Variants in C10orf90 observed in about 807,000 individuals in gnomAD.
C10orf90 encodes the protein chromosome 10 open reading frame 90, also known as (E2-independent) E3 ubiquitin-conjugating enzyme FATS.
Under a neutral mutation model 62.5 loss-of-function variants are expected in C10orf90, and 56 were observed. The observed-to-expected ratio is 0.90, with a 90% CI of 0.72 to 1.12. The LOEUF (loss-of-function observed/expected upper bound fraction) is 1.12. Ranked by LOEUF, C10orf90 falls within the 50% of genes most tolerant of loss-of-function variation. The probability of loss-of-function intolerance (pLI) is 0.00; values close to 1 mark genes in which losing one functional copy is unlikely to be tolerated. For missense variants in C10orf90, 970 were observed against 880.4 expected (o/e 1.10, Z -1.29); for synonymous variants, 386 against 340.4 (o/e 1.13, Z -1.47).
At chr10:126,469,093 G>C (rs767300477) in intron 4 of C10orf90, among the ~76,000 whole-genome samples, 1 of 152,098 alleles carries the variant, frequency 6.6e-6, no homozygotes, top group Non-Finnish European at 1.5e-5. Flanking sequence ...CAGTACAACA[G>C]CAAGACTGTC....
At chr10:126,480,857 C>T (rs147122134) in intron 4 of C10orf90, among the ~76,000 whole-genome samples, 3 of 152,300 alleles carry the variant, frequency 2.0e-5, no homozygotes, top group East Asian at 1.9e-4. Flanking sequence ...CTGCTTCACC[C>T]GAGATCTTGA....
In C10orf90 at chr10:126,601,775, C is replaced by G. The variant is rs1048322385; in HGVS notation, c.313+44790G>C. On this transcript the variant is annotated intron_variant, in intron 2 of 9. Transcript: ENST00000488181. Reference sequence around the variant, plus strand: ...AGCCCTCCTAAAGAATAGCGGGGACCCCGCCAAAGCCACTGAGGCCTGGAT... The same window carrying G: ...AGCCCTCCTAAAGAATAGCGGGGACGCCGCCAAAGCCACTGAGGCCTGGAT... 2.0e-5 allele frequency among the ~76,000 whole-genome samples: 3 copies of G among 152,358 alleles called. No individual in the cohort carries two copies. In the South Asian group the frequency reaches 6.2e-4, roughly 32 times the overall value.
intron 2 of C10orf90, among the ~76,000 whole-genome samples, chr10:126,561,899 C>T (rs967471528): frequency 1.3e-5 from 2 of 152,160 alleles, no homozygotes; most frequent in Non-Finnish European, 2.9e-5. Context: ...GAAAGAACCC[C>T]CCACTGAGAG....
At chr10:126,597,841 T>C (rs1845116655) in intron 2 of C10orf90, among the ~76,000 whole-genome samples, 1 of 152,200 alleles carries the variant, frequency 6.6e-6, no homozygotes, top group Non-Finnish European at 1.5e-5. Context: ...CAAATATGAT[T>C]AGTGTCTATG....
intron 4 of C10orf90, among the ~76,000 whole-genome samples, chr10:126,498,679 C>T (rs921984422): frequency 1.3e-5 from 2 of 152,170 alleles, no homozygotes; most frequent in Admixed American, 6.5e-5. Context: ...GTGCCCTCGG[C>T]GGCGATCCAC....
intron 3 of C10orf90, among the ~76,000 whole-genome samples, chr10:126,509,827 G>A (rs1465758509): frequency 6.6e-6 from 1 of 152,162 alleles, no homozygotes; most frequent in East Asian, 1.9e-4. Flanking sequence ...AATGATTGAA[G>A]ATAAGGTCCA....
At chr10:126,486,872 C>T (rs983323817) in intron 4 of C10orf90, among the ~76,000 whole-genome samples, 7 of 151,970 alleles carry the variant, frequency 4.6e-5, no homozygotes, top group African/African-American at 1.7e-4. Flanking sequence ...GCCAGCAGCA[C>T]TGGCTCATGG....
At chr10:126,572,873 T>C (rs1039838163) in intron 2 of C10orf90, among the ~76,000 whole-genome samples, 3 of 152,014 alleles carry the variant, frequency 2.0e-5, no homozygotes, top group Non-Finnish European at 2.9e-5. Context: ...AGTTACCCAA[T>C]ATGGTCTTCA....
rs530584409 is a variant in C10orf90, at chr10:126,606,215, C to T, written c.313+40350G>A. 6.6e-4 allele frequency among the ~76,000 whole-genome samples: 101 copies of T among 152,252 alleles called. 1 individual carries two copies. The highest frequency in any genetic ancestry group is 3.7e-3 in the South Asian group (18 of 4,818). On this transcript the variant is annotated intron_variant, in intron 2 of 9. Coordinates refer to ENST00000488181, the MANE Select transcript of C10orf90 (RefSeq NM_001350921.2). Reference sequence around the variant, plus strand: ...GAATTGTACTGATGCATTAATTAAACGAATGATTATGTCCTTGGAGATGTG... The same window carrying T: ...GAATTGTACTGATGCATTAATTAAATGAATGATTATGTCCTTGGAGATGTG...
chr10:126,539,391 G>A (rs1864322432), intron 2 of C10orf90, among the ~76,000 whole-genome samples: 1 of 152,186 alleles, frequency 6.6e-6, no homozygotes, highest in African/African-American at 2.4e-5. Flanking sequence ...TGTGTGAAAG[G>A]ATTCTTGATT....
chr10:126,461,292 A>G, intron 6 of C10orf90, 109 bp downstream of exon 6: 1 of 1,283,548 alleles, frequency 7.8e-7, no homozygotes, highest in East Asian at 2.5e-5. Flanking sequence ...CTACAAAGTG[A>G]AATCAGGTTT....
intron 2 of C10orf90, among the ~76,000 whole-genome samples, chr10:126,556,165 G>T (rs899940491): frequency 1.3e-5 from 2 of 152,208 alleles, no homozygotes; most frequent in Non-Finnish European, 2.9e-5. Context: ...CAAAATGGCC[G>T]GGGTTGAGTG....
intron 2 of C10orf90, among the ~76,000 whole-genome samples, chr10:126,518,673 G>T (rs562653435): frequency 5.3e-5 from 8 of 152,238 alleles, no homozygotes; most frequent in African/African-American, 1.7e-4. Context: ...TGCCCAGCAC[G>T]CCTGCCCTCT....
intron 3 of C10orf90, among the ~76,000 whole-genome samples, chr10:126,512,328 ATG>A: frequency 7.1e-6 from 1 of 141,122 alleles, no homozygotes; most frequent in South Asian, 2.3e-4. Flanking sequence ...TGTGTGTTCT[ATG>A]TGTGTGTATG....
rs71486601 is a variant in C10orf90 at position 126,548,745 on chromosome 10, C to CTTT, written c.314-34809_314-34807dup. ...CGGGATTGCAAAATTTATTACACAG[C>CTTT]TTTTTTTTTTTTTTTGAGACGGAGT... is the stretch of plus-strand genomic sequence containing the variant. On this transcript the variant is annotated intron_variant, in intron 2 of 9. Transcript: ENST00000488181. Among the ~76,000 whole-genome samples the CTTT allele has an allele frequency of 3.4e-3, 488 of 142,638 alleles. 11 individuals carry two copies. Among genetic ancestry groups the CTTT allele is most frequent in the African/African-American group, 7.0e-3 (273 of 38,954 alleles). The allele number at this position is 142,638 out of a possible 152,430, so 93.6% of individuals were successfully genotyped here. A position where few individuals can be genotyped will look rare whatever the true frequency, so the allele number is the denominator to read the frequency against.
chr10:126,456,619 T>C lies in C10orf90; in HGVS notation c.2188+2421A>G, dbSNP rs1331415575. Among the ~76,000 whole-genome samples the C allele has an allele frequency of 6.6e-6, 1 of 152,216 alleles. No homozygotes were observed. The highest frequency in any genetic ancestry group is 1.5e-5 in the Non-Finnish European group (1 of 68,034). ...TTTAAGTCCTAATCCCCCATAACTC[T>C]GAATGTGACTTCTTTGGAAATAGGG... On this transcript the variant is annotated intron_variant, in intron 7 of 9. Transcript: ENST00000488181. The surrounding 1 kb of genome is among the most constrained non-coding windows in gnomAD (Gnocchi z 4.9).
intron 1 of C10orf90, among the ~76,000 whole-genome samples, chr10:126,653,411 A>C (rs1846330255): frequency 6.6e-6 from 1 of 152,254 alleles, no homozygotes; most frequent in Non-Finnish European, 1.5e-5. Flanking sequence ...TGTCCACAGA[A>C]TCTTCACCAG....
chr10:126,501,264 G>C (rs1862365060), intron 4 of C10orf90, among the ~76,000 whole-genome samples: 1 of 152,224 alleles, frequency 6.6e-6, no homozygotes, highest in Non-Finnish European at 1.5e-5. Context: ...GTGGTCATTA[G>C]AGTCAATGAG....
At chr10:126,428,134 C>T (rs1190749784) in intron 8 of C10orf90, among the ~76,000 whole-genome samples, 1 of 152,116 alleles carries the variant, frequency 6.6e-6, no homozygotes, top group Non-Finnish European at 1.5e-5. Flanking sequence ...GAAAAGCAAG[C>T]TACCGAGAGA....
Sources: gnomAD v4.1 joint callset for allele counts (sites outside exome capture counted in the v4.1 genomes callset) on GRCh38, gnomAD v4.1.1 for gene constraint, Gnocchi (gnomAD v3.1) non-coding constraint, MANE v1.5 for transcripts, NCBI Gene and HGNC (gene_info 2026-07-23, HGNC 2026-07-21) for gene names.